Variants in TENM2 observed in about 807,000 individuals in gnomAD.
TENM2 encodes teneurin-2.
Under a neutral mutation model 245.2 loss-of-function variants are expected in TENM2, and 52 were observed. The observed-to-expected ratio is 0.21, with a 90% CI of 0.17 to 0.27. TENM2 has a LOEUF of 0.27. Ranked by LOEUF, TENM2 falls within the 10% of genes least tolerant of loss-of-function variation. The pLI, the probability that TENM2 is intolerant of heterozygous loss-of-function variation, is 1.00. For missense variants in TENM2, 3,046 were observed against 3,666.8 expected (o/e 0.83, Z 4.37); for synonymous variants, 1,363 against 1,438.9 (o/e 0.95, Z 1.19).
chr5:167,564,339 G>C (rs1003685589), intron 2 of TENM2, among the ~76,000 whole-genome samples: 1 of 152,184 alleles, frequency 6.6e-6, no homozygotes, highest in Non-Finnish European at 1.5e-5. Context: ...AAAGAGAAAA[G>C]TGAGGGAGAG....
chr5:167,918,150 C>T (rs1008320995), intron 3 of TENM2, among the ~76,000 whole-genome samples: 1 of 152,146 alleles, frequency 6.6e-6, no homozygotes, highest in Non-Finnish European at 1.5e-5. Context: ...GCAGTTTTAG[C>T]CTTGCATCTG....
chr5:167,290,337 C>T (rs1022267601), intron 1 of TENM2, among the ~76,000 whole-genome samples: 1 of 152,136 alleles, frequency 6.6e-6, no homozygotes, highest in Non-Finnish European at 1.5e-5. Flanking sequence ...TTTGTAAAAG[C>T]TCTACCATAT....
chr5:167,712,042 T>C (rs1758945632), intron 2 of TENM2, among the ~76,000 whole-genome samples: 1 of 152,220 alleles, frequency 6.6e-6, no homozygotes, highest in African/African-American at 2.4e-5. Context: ...AGAGCATTCA[T>C]CATCCTAAAA....
chr5:168,070,821 A>AGAGAGAGAGAGAGAGAGAG (rs1562121012), intron 7 of TENM2, among the ~76,000 whole-genome samples: 4 of 100,350 alleles, frequency 4.0e-5, no homozygotes, highest in African/African-American at 1.0e-4. Flanking sequence ...GAGAGAGAGA[A>AGAGAGAGAGAGAGAGAGAG]AAAAAGAAAG....
intron 2 of TENM2, among the ~76,000 whole-genome samples, chr5:167,687,503 C>T (rs946544990): frequency 2.6e-5 from 4 of 152,150 alleles, no homozygotes; most frequent in African/African-American, 7.2e-5. Flanking sequence ...AAAACTATTT[C>T]TCTACCTACT....
At chr5:167,929,070 AAAGAAAGAAAGAAAGAAAGAAAG>A (rs1778031174) in intron 3 of TENM2, among the ~76,000 whole-genome samples, 2 of 32,304 alleles carry the variant, frequency 6.2e-5, no homozygotes, top group Non-Finnish European at 1.2e-4. Context: ...AGAAAGAAAG[AAAGAAAGAAAGAAAGAAAGAAAG>A]AAAGAAAGAA....
At chr5:167,036,944 T>C in the TENM2 span, among the ~76,000 whole-genome samples, 1 of 152,352 alleles carries the variant, frequency 6.6e-6, no homozygotes. Flanking sequence ...TAACTTGTTA[T>C]TTCTCTGGCC....
At chr5:167,753,294 A>T (rs1762078767) in intron 2 of TENM2, among the ~76,000 whole-genome samples, 1 of 152,188 alleles carries the variant, frequency 6.6e-6, no homozygotes, top group Admixed American at 6.5e-5. Flanking sequence ...CAGCTGTCTC[A>T]AATATTGTGG....
At chr5:167,445,365 A>AGAGAGG (rs1482754604) in intron 2 of TENM2, among the ~76,000 whole-genome samples, 2 of 130,096 alleles carry the variant, frequency 1.5e-5, no homozygotes, top group African/African-American at 6.2e-5. Flanking sequence ...AGAGAGAGAG[A>AGAGAGG]GAGAGTGTCA....
chr5:167,127,714 A>T, the TENM2 span, among the ~76,000 whole-genome samples: 2 of 151,266 alleles, frequency 1.3e-5, no homozygotes, highest in South Asian at 4.2e-4. Context: ...GCTTACGTTC[A>T]TTGGCATTAA....
At chr5:167,974,010 AGGGAGGGAGGGAG>A in intron 4 of TENM2, among the ~76,000 whole-genome samples, 3 of 66,760 alleles carry the variant, frequency 4.5e-5, no homozygotes, top group African/African-American at 3.2e-4. Flanking sequence ...AAAGGGAGGG[AGGGAGGGAGGGAG>A]GAAGGAAGGA....
At chr5:167,901,184 C>T (rs2151516605) in intron 3 of TENM2, among the ~76,000 whole-genome samples, 1 of 151,762 alleles carries the variant, frequency 6.6e-6, no homozygotes, top group African/African-American at 2.4e-5. Context: ...TTTTCTCTTT[C>T]TCTTTCTTTC....
the TENM2 span, among the ~76,000 whole-genome samples, chr5:167,031,739 A>G: frequency 1.3e-5 from 2 of 151,964 alleles, no homozygotes; most frequent in Admixed American, 6.5e-5. Context: ...TAATTTTTGT[A>G]TTTTTAGTAG....
At chr5:167,662,336 C>T (rs971187749) in intron 2 of TENM2, among the ~76,000 whole-genome samples, 1 of 152,184 alleles carries the variant, frequency 6.6e-6, no homozygotes, top group East Asian at 1.9e-4. Context: ...CCTCGTTTGC[C>T]TGGCATGATC....
At chr5:167,770,843 G>C (rs757822179) in intron 2 of TENM2, among the ~76,000 whole-genome samples, 21 of 152,114 alleles carry the variant, frequency 1.4e-4, no homozygotes, top group African/African-American at 9.7e-5. Context: ...AGACTCAGAG[G>C]GGGGCTTAAA....
At chr5:167,024,039 G>C in the TENM2 span, among the ~76,000 whole-genome samples, 1 of 152,072 alleles carries the variant, frequency 6.6e-6, no homozygotes, top group African/African-American at 2.4e-5. Flanking sequence ...TCATAAGTCT[G>C]GCATTTTATT....
chr5:167,474,816 TAA>T (rs1242383981), intron 2 of TENM2, among the ~76,000 whole-genome samples: 1 of 152,126 alleles, frequency 6.6e-6, no homozygotes. Context: ...GCACTTGGCC[TAA>T]AAAGAGATAT....
chr5:167,080,041 T>C, the TENM2 span, among the ~76,000 whole-genome samples: 1 of 152,236 alleles, frequency 6.6e-6, no homozygotes, highest in Non-Finnish European at 1.5e-5. Flanking sequence ...TCATTTGTCC[T>C]GCATGATCCA....
intron 2 of TENM2, among the ~76,000 whole-genome samples, chr5:167,857,827 G>A (rs1346291228): frequency 6.6e-6 from 1 of 152,026 alleles, no homozygotes; most frequent in Non-Finnish European, 1.5e-5. Flanking sequence ...TGAATTTTGG[G>A]TTTTCTGCTC....
Sources: allele counts gnomAD v4.1 joint callset (sites outside exome capture counted in the v4.1 genomes callset), GRCh38; gene constraint gnomAD v4.1.1; transcripts MANE v1.5; gene names NCBI Gene and HGNC (gene_info 2026-07-23, HGNC 2026-07-21).